SGPP1: variants seen among roughly 807,000 people sequenced by gnomAD.
SGPP1 encodes hSPP1.
Under a neutral mutation model 33.0 loss-of-function variants are expected in SGPP1, and 21 were observed. The ratio of observed to expected loss-of-function variants is 0.64; its 90% CI spans 0.45 to 0.92. SGPP1 has a LOEUF of 0.92. Ranked by LOEUF, SGPP1 falls within the 40% of genes least tolerant of loss-of-function variation. The pLI is 0.00. For missense variants in SGPP1, 543 were observed against 589.4 expected (o/e 0.92, Z 0.81); for synonymous variants, 239 against 241.2 (o/e 0.99, Z 0.08).
chr14:63,727,917 G>A lies in SGPP1; in HGVS notation c.28C>T (p.Leu10=). 1 of 1,545,074 alleles carries A rather than the reference G, an allele frequency of 6.5e-7. No homozygotes were observed. Among genetic ancestry groups the A allele is most frequent in the South Asian group, 1.2e-5 (1 of 85,476 alleles). MSLRQRLAQ[L]VGRLQDPQKV... ...TGCGGGTCCTGCAGACGGCCAACCA[G>A]CTGGGCCAGGCGCTGCCTCAGCGAC... Residue 10 remains leucine (L), a synonymous_variant, in exon 1 of 3, where the codon CTG becomes TTG. Transcript: ENST00000247225.
rs1042628564 is a variant in SGPP1 at position 63,714,192 on chromosome 14, G to A, written c.684+13069C>T. Among the ~76,000 whole-genome samples, 3 of 152,128 alleles carry A rather than the reference G, an allele frequency of 2.0e-5. No individual in the cohort carries two copies. The South Asian group carries it at 6.2e-4, about 32-fold the overall frequency. On this transcript the variant is annotated intron_variant, in intron 1 of 2. Transcript: ENST00000247225. ...GTAAAAATGTAGAAACTTAATAAAC[G>A]AAGTGATGTACATCTGCATTTGTGA...
At chr14:63,719,952 T>C (rs1221370914) in intron 1 of SGPP1, among the ~76,000 whole-genome samples, 1 of 139,838 alleles carries the variant, frequency 7.2e-6, no homozygotes, top group Non-Finnish European at 1.5e-5. Flanking sequence ...CCATCTCTAC[T>C]GAAAATACAA....
At chr14:63,721,730 T>G (rs140127297) in intron 1 of SGPP1, among the ~76,000 whole-genome samples, 1 of 152,328 alleles carries the variant, frequency 6.6e-6, no homozygotes, top group East Asian at 1.9e-4. Context: ...AAACAACATT[T>G]TGACAGAATA....
intron 2 of SGPP1, among the ~76,000 whole-genome samples, chr14:63,690,231 CA>C (rs1451096909): frequency 6.6e-6 from 1 of 152,066 alleles, no homozygotes; most frequent in East Asian, 1.9e-4. Flanking sequence ...TTTTTGTAGA[CA>C]AGGTTTTGTC....
intron 1 of SGPP1, among the ~76,000 whole-genome samples, chr14:63,702,089 G>A (rs1197799572): frequency 6.6e-6 from 1 of 152,088 alleles, no homozygotes; most frequent in Non-Finnish European, 1.5e-5. Context: ...ATCACCTATA[G>A]AGTCTCAGAA....
chr14:63,719,903 T>C (rs1406488063), intron 1 of SGPP1, among the ~76,000 whole-genome samples: 1 of 134,220 alleles, frequency 7.5e-6, no homozygotes, highest in East Asian at 2.2e-4. Context: ...TCACCAAAGG[T>C]CAAGAATTCG....
At chr14:63,693,432 T>C (rs1304708112) in intron 2 of SGPP1, among the ~76,000 whole-genome samples, 1 of 152,246 alleles carries the variant, frequency 6.6e-6, no homozygotes, top group Non-Finnish European at 1.5e-5. Context: ...TGATTTAGAA[T>C]TTCATGTTAT....
At position 63,703,047 on chromosome 14, in the gene SGPP1, G is replaced by C. The variant is rs561620306; in HGVS notation, c.685-4389C>G. Among the ~76,000 whole-genome samples, 89 of 152,146 alleles carry C rather than the reference G, an allele frequency of 5.8e-4. 1 individual carries two copies. In the South Asian group the frequency reaches 7.5e-3, roughly 13 times the overall value. On this transcript the variant is annotated intron_variant, in intron 1 of 2. Coordinates refer to ENST00000247225, the MANE Select transcript of SGPP1 (RefSeq NM_030791.4). The stretch of plus-strand genomic sequence containing the variant: ...CGTGGAACATATCCTCTGCTGATGA[G>C]CGGGGCTACTATACCCCCATTCACA...
intron 1 of SGPP1, among the ~76,000 whole-genome samples, chr14:63,699,555 G>C (rs1038502564): frequency 6.6e-6 from 1 of 151,972 alleles, no homozygotes; most frequent in Non-Finnish European, 1.5e-5. Flanking sequence ...GTTGGTTTTT[G>C]GTGGTTTGTT....
At chr14:63,709,922 T>C (rs932205378) in intron 1 of SGPP1, among the ~76,000 whole-genome samples, 1 of 152,204 alleles carries the variant, frequency 6.6e-6, no homozygotes, top group African/African-American at 2.4e-5. Context: ...ATAAGAATTA[T>C]TTTGCATATT....
intron 2 of SGPP1, among the ~76,000 whole-genome samples, chr14:63,695,965 T>C (rs1024203958): frequency 1.3e-5 from 2 of 151,478 alleles, no homozygotes; most frequent in African/African-American, 2.4e-5. Flanking sequence ...GATATTTGAC[T>C]AACCCAACTA....
chr14:63,727,118 G>A, intron 1 of SGPP1, 143 bp downstream of exon 1: 2 of 1,342,976 alleles, frequency 1.5e-6, no homozygotes, highest in South Asian at 3.7e-5. Context: ...AACCCAGAAA[G>A]GGCCTGTTTG....
intron 1 of SGPP1, among the ~76,000 whole-genome samples, chr14:63,699,780 T>C (rs986098807): frequency 2.7e-5 from 4 of 149,180 alleles, no homozygotes; most frequent in Non-Finnish European, 5.9e-5. Context: ...ACATTTAACA[T>C]GGTCCCTCAC....
rs1268284092 is a variant in SGPP1 at position 63,691,028 on chromosome 14, T to A, written c.775-4372A>T. 7.9e-5 allele frequency among the ~76,000 whole-genome samples: 12 copies of A among 152,224 alleles called. No individual in the cohort carries two copies. The South Asian group carries it at 2.3e-3, about 29-fold the overall frequency. ...CCATGCCCAGCCATGAAAAACATTT[T>A]AAAAATTTTATTTAGATATAAAACA... On this transcript the variant is annotated intron_variant, in intron 2 of 2. Coordinates refer to ENST00000247225, the MANE Select transcript of SGPP1 (RefSeq NM_030791.4).
Position 63,727,529 on chromosome 14 carries a change from C to T in SGPP1, c.416G>A (p.Gly139Asp). ...YCLFCFGTEL[G>D]NELFYILFFP... is the part of the protein sequence containing the mutation. ...GAACAGGATGTAGAAGAGTTCGTTG[C>T]CCAGCTCCGTGCCGAAGCAGAACAG... Residue 139 changes from glycine (G) to aspartate (D), a missense_variant, in exon 1 of 3, where the codon GGC (glycine) becomes GAC (aspartate). Physicochemically the swap from Gly to Asp is moderately conservative, Grantham distance 94. Transcript: ENST00000247225. 1.2e-6 allele frequency: 2 copies of T among 1,613,970 alleles called. No individual in the cohort carries two copies. Among genetic ancestry groups the T allele is most frequent in the Non-Finnish European group, 1.7e-6 (2 of 1,180,010 alleles).
chr14:63,696,643 T>TAAATAC (rs1443282727), intron 2 of SGPP1, among the ~76,000 whole-genome samples: 1 of 152,204 alleles, frequency 6.6e-6, no homozygotes, highest in Non-Finnish European at 1.5e-5. Flanking sequence ...CAATTCATAT[T>TAAATAC]AAATACAAAT....
chr14:63,727,349 T>C lies in SGPP1; in HGVS notation c.596A>G (p.Asn199Ser). 2 of 1,613,726 alleles carry C rather than the reference T, an allele frequency of 1.2e-6. No homozygotes were observed. The highest frequency in any genetic ancestry group is 1.1e-5 in the South Asian group (1 of 91,050). The change falls in exon 1 of 3, where the codon AAC becomes AGC. Residue 199 changes from asparagine to serine, a missense_variant. Physicochemically the swap from Asn to Ser is conservative, Grantham distance 46. Transcript: ENST00000247225. ...GGTGGAGGGCATGCTGTACTCAGAGTTGTAGAAGACCTCCAACTTGACCAC... is the reference window on the plus strand; with the variant it reads ...GGTGGAGGGCATGCTGTACTCAGAGCTGTAGAAGACCTCCAACTTGACCAC... The part of the protein sequence containing the change: ...PPVVKLEVFY[N>S]SEYSMPSTHA...
chr14:63,705,161 T>G (rs762340020), intron 1 of SGPP1, among the ~76,000 whole-genome samples: 1 of 149,126 alleles, frequency 6.7e-6, no homozygotes, highest in South Asian at 2.2e-4. Context: ...AAAACACTCA[T>G]GTACATCAAA....
At chr14:63,687,537 G>A (rs181230395) in intron 2 of SGPP1, among the ~76,000 whole-genome samples, 6 of 152,264 alleles carry the variant, frequency 3.9e-5, no homozygotes, top group Non-Finnish European at 7.4e-5. Context: ...TGAAGGACCC[G>A]ATTAGAGTAC....
Sources: gnomAD v4.1 joint callset for allele counts (sites outside exome capture counted in the v4.1 genomes callset) on GRCh38, gnomAD v4.1.1 for gene constraint, MANE v1.5 for transcripts, NCBI Gene and HGNC (gene_info 2026-07-23, HGNC 2026-07-21) for gene names.